The following RIMBP2 variants were observed in gnomAD, a reference collection of about 807,000 sequenced individuals.
RIMBP2 encodes RIMS binding protein 2, also known as RIMS-binding protein 2.
Under a neutral mutation model 118.6 loss-of-function variants are expected in RIMBP2, and 48 were observed. The observed-to-expected ratio is 0.40, with a 90% CI of 0.32 to 0.51. The LOEUF (loss-of-function observed/expected upper bound fraction) is 0.51. Among genes scored for constraint, RIMBP2 ranks in the 20% least tolerant of loss-of-function variants. The probability of loss-of-function intolerance (pLI) is 0.41; values close to 1 mark genes in which losing one functional copy is unlikely to be tolerated. For synonymous variants in RIMBP2, 762 were observed against 742.9 expected, an observed-to-expected ratio of 1.03 and a Z score of -0.42; for missense variants, 1,551 against 1,768.3, an observed-to-expected ratio of 0.88 and a Z score of 2.20.
chr12:130,619,994 T>C (rs1267373410), intron 2 of RIMBP2, among the ~76,000 whole-genome samples: 1 of 152,202 alleles, frequency 6.6e-6, no homozygotes, highest in Non-Finnish European at 1.5e-5. Flanking sequence ...GACGCTGTGC[T>C]GAAATCTGCC....
rs1041053963 is a variant in RIMBP2 at position 130,683,254 on chromosome 12, G to A, written c.-352+32968C>T. Among the ~76,000 whole-genome samples, 3 of 152,210 alleles carry A rather than the reference G, an allele frequency of 2.0e-5. No homozygotes were observed. Among genetic ancestry groups the A allele is most frequent in the African/African-American group, 4.8e-5 (2 of 41,464 alleles). ...GATGGCAGTGGAACCAGAGGTCGGA[G>A]TGATGTGGCCACAAGCCCAAGGATG... On this transcript the variant is annotated intron_variant, in intron 1 of 22. Transcript: ENST00000690449. This position sits in a 1 kb window ranked among gnomAD's most constrained non-coding sequence, Gnocchi z 4.4.
At chr12:130,636,296 T>C (rs753614254) in intron 1 of RIMBP2, among the ~76,000 whole-genome samples, 6 of 152,172 alleles carry the variant, frequency 3.9e-5, no homozygotes, top group Non-Finnish European at 7.3e-5. Context: ...CTACTGGCAC[T>C]CTTGAGCACC....
At chr12:130,628,234 A>G (rs2061767283) in intron 2 of RIMBP2, 88 bp downstream of exon 2, 1 of 152,242 alleles carries the variant, frequency 6.6e-6, no homozygotes, top group Non-Finnish European at 1.5e-5. Flanking sequence ...AATATGCCTC[A>G]AATAAATCAA....
chr12:130,497,430 T>G (rs756607376), intron 4 of RIMBP2, among the ~76,000 whole-genome samples: 21 of 152,164 alleles, frequency 1.4e-4, no homozygotes, highest in Non-Finnish European at 2.6e-4. Flanking sequence ...AGTGTGAAGT[T>G]AAACCGTCCT....
chr12:130,641,736 G>C (rs2062632369), intron 1 of RIMBP2, among the ~76,000 whole-genome samples: 1 of 152,144 alleles, frequency 6.6e-6, no homozygotes, highest in Non-Finnish European at 1.5e-5. Flanking sequence ...GGGAAAATGA[G>C]TCAGCCTCAG....
intron 1 of RIMBP2, among the ~76,000 whole-genome samples, chr12:130,675,943 G>A (rs985116509): frequency 1.3e-5 from 2 of 152,200 alleles, no homozygotes; most frequent in Non-Finnish European, 1.5e-5. Flanking sequence ...GCTGTAGGAC[G>A]CCACGAGAGC....
At chr12:130,676,359 T>C (rs1423122566) in intron 1 of RIMBP2, among the ~76,000 whole-genome samples, 2 of 147,240 alleles carry the variant, frequency 1.4e-5, no homozygotes, top group African/African-American at 5.0e-5. Flanking sequence ...GCACGGTTGC[T>C]CACGCCTGTA....
intron 1 of RIMBP2, among the ~76,000 whole-genome samples, chr12:130,671,509 C>T (rs368999041): frequency 6.6e-6 from 1 of 152,228 alleles, no homozygotes; most frequent in African/African-American, 2.4e-5. Flanking sequence ...CTCCTAGTCA[C>T]CAGCCTATCC....
At chr12:130,600,154 T>G (rs564798886) in intron 2 of RIMBP2, among the ~76,000 whole-genome samples, 136 of 152,316 alleles carry the variant, frequency 8.9e-4, no homozygotes, top group Middle Eastern at 3.4e-3. Context: ...AATCTACCTG[T>G]GCCCCGACCA....
intron 4 of RIMBP2, among the ~76,000 whole-genome samples, chr12:130,506,187 G>C (rs559406567): frequency 1.1e-4 from 16 of 152,188 alleles, no homozygotes; most frequent in Admixed American, 2.0e-4. Context: ...CAGCTCATCA[G>C]GAATGCATGA....
intron 1 of RIMBP2, among the ~76,000 whole-genome samples, chr12:130,655,442 G>C (rs2063385278): frequency 6.6e-6 from 1 of 152,180 alleles, no homozygotes; most frequent in South Asian, 2.1e-4. Flanking sequence ...ATGAGAGGGA[G>C]GAAAAGACCA....
At chr12:130,629,293 A>G (rs903318796) in intron 1 of RIMBP2, among the ~76,000 whole-genome samples, 4 of 152,216 alleles carry the variant, frequency 2.6e-5, no homozygotes, top group African/African-American at 9.6e-5. Flanking sequence ...TCAAAATTCA[A>G]TTTATTTCAA....
chr12:130,554,116 G>A (rs2056108806), intron 2 of RIMBP2, among the ~76,000 whole-genome samples: 1 of 152,164 alleles, frequency 6.6e-6, no homozygotes, highest in Admixed American at 6.5e-5. Flanking sequence ...ACAAAAAAGA[G>A]AGAGAAAGCA....
intron 21 of RIMBP2, among the ~76,000 whole-genome samples, chr12:130,402,462 A>G (rs2074712760): frequency 6.6e-6 from 1 of 152,054 alleles, no homozygotes; most frequent in African/African-American, 2.4e-5. Flanking sequence ...TCCTGCCTGG[A>G]GGGTTCCATA....
chr12:130,412,620 TA>T lies in RIMBP2; in HGVS notation c.3587del (p.Ile1196LysfsTer63). On this transcript the variant is annotated frameshift_variant and splice_region_variant, in exon 19 of 23. Coordinates refer to ENST00000690449, the MANE Select transcript of RIMBP2 (RefSeq NM_001393629.1). LOFTEE classifies it high-confidence loss of function. ...GGTCGAATAGGGGTTTGCGCTTACC[TA>T]TTTTCTCCACAGGTGTATTCAGAGG... Reference protein sequence around the residue: ...FLPLNTPVEKIERSRRSGRRH... With the variant: ...FLPLNTPVEKXERSRRSGRRH... 1 of 1,613,636 alleles carries T rather than the reference TA, an allele frequency of 6.2e-7. No individual in the cohort carries two copies. Among genetic ancestry groups the T allele is most frequent in the Non-Finnish European group, 8.5e-7 (1 of 1,179,804 alleles).
chr12:130,403,074 AGAG>A (rs1372055824), intron 21 of RIMBP2, among the ~76,000 whole-genome samples: 1 of 152,224 alleles, frequency 6.6e-6, no homozygotes, highest in Non-Finnish European at 1.5e-5. Context: ...GAACAGAGAA[AGAG>A]GAGGGTGATA....
rs1167892752 is a variant in RIMBP2 at position 130,438,612 on chromosome 12, A to G, written c.1505-96T>C. 6 of 968,750 alleles carry G rather than the reference A, an allele frequency of 6.2e-6. No homozygotes were observed. In the Admixed American group the frequency reaches 2.0e-4, roughly 33 times the overall value. 60.0% of individuals were successfully genotyped at this position (968,750 alleles called of 1,614,324 possible). A position where few individuals can be genotyped will look rare whatever the true frequency, so the allele number is the denominator to read the frequency against. Reference sequence around the variant, plus strand: ...GCCCATCTCACCTGGAAACGAGATCATTCGGTAAAGTCGCCAGGGAAAAAG... The same window carrying G: ...GCCCATCTCACCTGGAAACGAGATCGTTCGGTAAAGTCGCCAGGGAAAAAG... On this transcript the variant is annotated intron_variant, in intron 11 of 22. Coordinates refer to ENST00000690449, the MANE Select transcript of RIMBP2 (RefSeq NM_001393629.1).
At chr12:130,459,170 G>A (rs1028141825) in intron 6 of RIMBP2, among the ~76,000 whole-genome samples, 9 of 152,018 alleles carry the variant, frequency 5.9e-5, no homozygotes, top group African/African-American at 1.5e-4. Context: ...AGGGTGTGAC[G>A]AGGGACGGTG....
rs777097560 is a variant in RIMBP2, at chr12:130,604,582, C to CTTTTTTTTTTTTTTTTT, written c.-217+23739_-217+23740insAAAAAAAAAAAAAAAAA. Among the ~76,000 whole-genome samples the CTTTTTTTTTTTTTTTTT allele has an allele frequency of 5.9e-5, 4 of 67,268 alleles. 1 individual carries two copies. Among genetic ancestry groups the CTTTTTTTTTTTTTTTTT allele is most frequent in the African/African-American group, 6.0e-5 (1 of 16,722 alleles). 44.1% of individuals were successfully genotyped at this position (67,268 alleles called of 152,430 possible). A position where few individuals can be genotyped will look rare whatever the true frequency, so the allele number is the denominator to read the frequency against. On this transcript the variant is annotated intron_variant, in intron 2 of 22. Coordinates refer to ENST00000690449, the MANE Select transcript of RIMBP2 (RefSeq NM_001393629.1). ...AGTGCCCTATACAGATGCCCCTTTT[C>CTTTTTTTTTTTTTTTTT]TTTCTTTTTTTTTTTTTTTGAGACA...
Sources: gnomAD v4.1 joint callset for allele counts (sites outside exome capture counted in the v4.1 genomes callset) on GRCh38, gnomAD v4.1.1 for gene constraint, Gnocchi (gnomAD v3.1) non-coding constraint, MANE v1.5 for transcripts, NCBI Gene and HGNC (gene_info 2026-07-23, HGNC 2026-07-21) for gene names.